The following ANTXRL variants were observed in gnomAD, a reference collection of about 807,000 sequenced individuals.
The protein encoded by ANTXRL is ANTXR like.
A neutral mutation model predicts 75.4 loss-of-function variants in ANTXRL; 63 were observed. The ratio of observed to expected loss-of-function variants is 0.84; its 90% confidence interval spans 0.68 to 1.03. ANTXRL has a LOEUF of 1.03. Among genes scored for constraint, ANTXRL ranks in the 50% least tolerant of loss-of-function variants. ANTXRL has a pLI of 0.00. For synonymous variants in ANTXRL, 335 were observed against 291.3 expected (o/e 1.15, Z -1.53); for missense variants, 797 against 789.4 (o/e 1.01, Z -0.12).
intron 16 of ANTXRL, among the ~76,000 whole-genome samples, chr10:46,328,329 T>G (rs1413160774): frequency 1.3e-5 from 2 of 152,122 alleles, no homozygotes; most frequent in East Asian, 3.9e-4. Context: ...GATTGTTATC[T>G]AATTGCCTGC....
In ANTXRL at chr10:46,330,089, C is replaced by T; in HGVS notation, c.*5C>T. Reference sequence around the variant, plus strand: ...CCCTCAGAGCCCAACTTCTAAGGCACCAAACACCCAAGATTAACAGGCTTT... The same window carrying T: ...CCCTCAGAGCCCAACTTCTAAGGCATCAAACACCCAAGATTAACAGGCTTT... On this transcript the variant is annotated 3_prime_UTR_variant, in exon 17 of 17. Coordinates refer to ENST00000620264, the MANE Select transcript of ANTXRL (RefSeq NM_001278688.3). 1 of 1,498,936 alleles carries T rather than the reference C, an allele frequency of 6.7e-7. No individual in the cohort carries two copies. The allele number at this position is 1,498,936 out of a possible 1,614,324, so 92.9% of individuals were successfully genotyped here.
upstream of ANTXRL, chr10:46,286,926 A>G (rs12571282): frequency 0.023 from 8,487 of 372,326 alleles, 273 homozygotes; most frequent in East Asian, 0.1. Context: ...CCTCCCCCTG[A>G]TGTTGTCAAC....
chr10:46,320,219 T>C (rs782702465), intron 16 of ANTXRL, among the ~76,000 whole-genome samples: 10 of 152,132 alleles, frequency 6.6e-5, no homozygotes, highest in Non-Finnish European at 1.5e-4. Context: ...AAGATTTCAG[T>C]TGGTTTCCTG....
intron 16 of ANTXRL, among the ~76,000 whole-genome samples, chr10:46,325,278 A>T (rs1466907614): frequency 2.0e-5 from 3 of 152,152 alleles, no homozygotes; most frequent in African/African-American, 7.2e-5. Context: ...ACAAAAGTCA[A>T]CAATCTCCTT....
chr10:46,321,146 TTTC>T (rs1554965498), intron 16 of ANTXRL, among the ~76,000 whole-genome samples: 1 of 152,172 alleles, frequency 6.6e-6, no homozygotes, highest in Non-Finnish European at 1.5e-5. Context: ...AATGGAATTG[TTTC>T]TTCATTTTTT....
At chr10:46,297,121 G>A in intron 5 of ANTXRL, 131 bp from the exon 6 acceptor site, 1 of 723,012 alleles carries the variant, frequency 1.4e-6, no homozygotes, top group Admixed American at 2.5e-5. Context: ...TCTGGAGGAT[G>A]AGGTGGGGGC....
intron 1 of ANTXRL, among the ~76,000 whole-genome samples, chr10:46,289,113 A>G (rs1554955895): frequency 6.6e-6 from 1 of 152,054 alleles, no homozygotes; most frequent in East Asian, 1.9e-4. Context: ...CAGAAACAAC[A>G]TCTACTGCCT....
At chr10:46,323,057 G>A (rs1474667800) in intron 16 of ANTXRL, among the ~76,000 whole-genome samples, 2 of 152,104 alleles carry the variant, frequency 1.3e-5, no homozygotes, top group Admixed American at 6.5e-5. Flanking sequence ...ACCCTTTGTT[G>A]TTTCCATAAA....
At position 46,329,581 on chromosome 10, in the gene ANTXRL, C is replaced by T. The variant is rs1554967091; in HGVS notation, c.1411-18C>T. On this transcript the variant is annotated intron_variant, in intron 16 of 16. Coordinates refer to ENST00000620264, the MANE Select transcript of ANTXRL (RefSeq NM_001278688.3). ...GAATGCCATCACGGTGACCTTCTCTCTCTTCTCTTCCCTACAGGGGAGGTA... is the reference window on the plus strand; with the variant it reads ...GAATGCCATCACGGTGACCTTCTCTTTCTTCTCTTCCCTACAGGGGAGGTA... 1 of 1,530,882 alleles carries T rather than the reference C, an allele frequency of 6.5e-7. No homozygotes were observed. The highest frequency in any genetic ancestry group is 8.8e-7 in the Non-Finnish European group (1 of 1,142,834). 94.8% of individuals were successfully genotyped at this position (1,530,882 alleles called of 1,614,324 possible).
At chr10:46,300,823 G>A (rs1271744312) in intron 9 of ANTXRL, among the ~76,000 whole-genome samples, 2 of 152,064 alleles carry the variant, frequency 1.3e-5, no homozygotes, top group Admixed American at 6.6e-5. Flanking sequence ...CTATGTCTAA[G>A]CATAATTTTC....
chr10:46,308,741 TG>T, intron 12 of ANTXRL: 1 of 349,230 alleles, frequency 2.9e-6, no homozygotes, highest in South Asian at 2.4e-5. Context: ...AGAGAGGCTG[TG>T]GGGGATGGAC....
intron 16 of ANTXRL, among the ~76,000 whole-genome samples, chr10:46,328,626 T>C (rs1447672647): frequency 2.2e-4 from 33 of 148,878 alleles, no homozygotes; most frequent in Non-Finnish European, 3.3e-4. Flanking sequence ...GCCTCTCTCT[T>C]TTTTTTTTTA....
At chr10:46,308,953 C>G (rs139043023) in intron 12 of ANTXRL, among the ~76,000 whole-genome samples, 160 bp from the exon 13 acceptor site, 18 of 152,264 alleles carry the variant, frequency 1.2e-4, no homozygotes, top group South Asian at 4.1e-4. Context: ...GAGAAAGGGT[C>G]TATAGCTCTC....
rs148597284 is a variant in ANTXRL at position 46,302,773 on chromosome 10, G to C, written c.848G>C (p.Arg283Pro). 1.3e-6 allele frequency: 2 copies of C among 1,536,042 alleles called. No homozygotes were observed. Among genetic ancestry groups the C allele is most frequent in the Non-Finnish European group, 1.7e-6 (2 of 1,146,650 alleles). Reference protein sequence around the residue: ...HGNGFQNLKKRDEVICRFIFN... With the variant: ...HGNGFQNLKKPDEVICRFIFN... ...AATGGCTTTCAGAATCTAAAGAAAC[G>C]GGATGAAGTTATTTGCAGATTTATC... Residue 283 changes from arginine to proline, a missense_variant, in exon 10 of 17, where the codon CGG becomes CCG. This residue lies in a region of ANTXRL where 56 missense variants were observed against 95.5 expected (regional missense o/e 0.59). Transcript: ENST00000620264.
chr10:46,294,903 G>C (rs1322717182), intron 3 of ANTXRL, among the ~76,000 whole-genome samples: 5 of 152,076 alleles, frequency 3.3e-5, no homozygotes, highest in African/African-American at 7.3e-5. Flanking sequence ...CATCCTTCAG[G>C]GTCCATGCTC....
intron 1 of ANTXRL, among the ~76,000 whole-genome samples, chr10:46,290,332 T>G (rs75311169): frequency 0.036 from 5,473 of 152,236 alleles, 202 homozygotes; most frequent in East Asian, 0.12. Flanking sequence ...GTGAGCCACC[T>G]CGCCCGGCCT....
At chr10:46,297,807 C>T in intron 7 of ANTXRL, 24 bp from the exon 8 acceptor site, 1 of 1,534,744 alleles carries the variant, frequency 6.5e-7, no homozygotes, top group Non-Finnish European at 8.7e-7. Flanking sequence ...GGTGGGGAGT[C>T]CAACCCAGCT....
At chr10:46,293,387 T>TGC (rs200865057) in intron 2 of ANTXRL, among the ~76,000 whole-genome samples, 23,462 of 145,980 alleles carry the variant, frequency 0.16, 1,588 homozygotes, top group Non-Finnish European at 0.19. Context: ...TGTGAGTGTG[T>TGC]GCCTGTGTGT....
chr10:46,301,806 C>T (rs1554960624), intron 9 of ANTXRL, among the ~76,000 whole-genome samples: 3 of 152,222 alleles, frequency 2.0e-5, no homozygotes. Context: ...TCACAGGAAG[C>T]TTTCCTTGGG....
Sources: allele counts gnomAD v4.1 joint callset (sites outside exome capture counted in the v4.1 genomes callset), GRCh38; gene constraint gnomAD v4.1.1; regional missense constraint gnomAD v4.1.1; transcripts MANE v1.5; gene names NCBI Gene and HGNC (gene_info 2026-07-23, HGNC 2026-07-21).